ERICH6: variants seen among roughly 807,000 people sequenced by gnomAD.
The protein encoded by ERICH6 is glutamate-rich protein 6.
In ERICH6, 71 loss-of-function variants were observed where a neutral mutation model predicts 71.0. The observed-to-expected ratio is 1.00, with a 90% confidence interval of 0.83 to 1.22. ERICH6 has a LOEUF of 1.22. ERICH6 is among the 50% of genes most tolerant of loss of function. ERICH6 has a pLI of 0.00. For synonymous variants in ERICH6, 262 were observed against 278.4 expected (o/e 0.94, Z 0.59); for missense variants, 808 against 797.2 (o/e 1.01, Z -0.16).
In ERICH6 at chr3:150,685,828, G is replaced by T. The variant is rs751763525; in HGVS notation, c.697C>A (p.Pro233Thr). 1 of 1,614,114 alleles carries T rather than the reference G, an allele frequency of 6.2e-7. No homozygotes were observed. The highest frequency in any genetic ancestry group is 8.5e-7 in the Non-Finnish European group (1 of 1,180,018). Residue 233 changes from proline (P) to threonine (T), a missense_variant, in exon 6 of 14, where the codon CCT (proline) becomes ACT (threonine). Coordinates refer to ENST00000295910, the MANE Select transcript of ERICH6 (RefSeq NM_152394.5). The part of the protein sequence containing the change: ...FKEDFITLFE[P>T]SLRTLPSIGP... ...ATGCTGGGTAACGTTCTTAGAGAAG[G>T]CTCGAACAGTGTTATGAAGTCTTCC... is the stretch of plus-strand genomic sequence containing the variant.
rs1711552641 is a variant in ERICH6, at chr3:150,673,808, T to C, written c.1343+148A>G. ...GTTGCCCAGGCTGGTCTCAACCTTC[T>C]GAGCTCAAGTGATCTGCCCACCTCA... On this transcript the variant is annotated intron_variant, in intron 11 of 13. Transcript: ENST00000295910. 13 of 634,754 alleles carry C rather than the reference T, an allele frequency of 2.0e-5. No homozygotes were observed. In the Admixed American group the frequency reaches 3.2e-4, roughly 16 times the overall value. The allele number at this position is 634,754 out of a possible 1,614,324, so 39.3% of individuals were successfully genotyped here. A position where few individuals can be genotyped will look rare whatever the true frequency, so the allele number is the denominator to read the frequency against.
At chr3:150,699,399 C>A (rs1335054011) in intron 2 of ERICH6, among the ~76,000 whole-genome samples, 1 of 152,216 alleles carries the variant, frequency 6.6e-6, no homozygotes, top group Non-Finnish European at 1.5e-5. Flanking sequence ...CCCAGCTTCA[C>A]TCCTCCCTGC....
At position 150,685,866 on chromosome 3, in the gene ERICH6, T is replaced by G. The variant is rs375787572; in HGVS notation, c.667-8A>C. On this transcript the variant is annotated splice_region_variant and splice_polypyrimidine_tract_variant and intron_variant, in intron 5 of 13. Coordinates refer to ENST00000295910, the MANE Select transcript of ERICH6 (RefSeq NM_152394.5). ...TATGAAGTCTTCCTTAAACTAAATT[T>G]AAAAAGAGAAAGGGGTGGTGAGGGG... 9 of 1,612,552 alleles carry G rather than the reference T, an allele frequency of 5.6e-6. No homozygotes were observed. Among genetic ancestry groups the G allele is most frequent in the Non-Finnish European group, 7.6e-6 (9 of 1,179,384 alleles).
At position 150,669,360 on chromosome 3, in the gene ERICH6, C is replaced by A. The variant is rs1283737155; in HGVS notation, c.1435G>T (p.Ala479Ser). ...IVQEDMPTNP[A>S]ILAVLDSSGR... ...GAGGAATCCAGCACTGCTAGGATAG[C>A]AGGGTTAGTGGGCATATCTTCTTGG... is the stretch of plus-strand genomic sequence containing the variant. The change falls in exon 12 of 14, where the codon GCT (alanine) becomes TCT (serine). Residue 479 changes from alanine to serine, a missense_variant. Around this residue, in one of 3 missense-constraint regions of ERICH6, gnomAD observed 736 missense variants for 712.2 expected, o/e 1.03. Coordinates refer to ENST00000295910, the MANE Select transcript of ERICH6 (RefSeq NM_152394.5). The A allele has an allele frequency of 1.2e-6, 2 of 1,613,650 alleles. No individual in the cohort carries two copies. The highest frequency in any genetic ancestry group is 2.2e-5 in the East Asian group (1 of 44,870).
chr3:150,679,925 T>C (rs546425467), intron 9 of ERICH6, among the ~76,000 whole-genome samples: 109 of 152,376 alleles, frequency 7.2e-4, no homozygotes, highest in Non-Finnish European at 1.3e-3. Flanking sequence ...CCCAAAGTGC[T>C]GGGATCACAG....
intron 10 of ERICH6, among the ~76,000 whole-genome samples, chr3:150,674,803 AC>A (rs971166308): frequency 6.7e-6 from 1 of 149,454 alleles, no homozygotes; most frequent in Non-Finnish European, 1.5e-5. Flanking sequence ...CTGCCCCCCA[AC>A]CTTTTTTTTT....
chr3:150,697,620 T>C (rs771070763), intron 3 of ERICH6, among the ~76,000 whole-genome samples: 17 of 152,188 alleles, frequency 1.1e-4, no homozygotes, highest in Admixed American at 3.3e-4. Flanking sequence ...TGAAACTTTA[T>C]TGGTATCTAG....
chr3:150,689,471 A>C (rs1394043196), intron 3 of ERICH6, among the ~76,000 whole-genome samples: 1 of 152,176 alleles, frequency 6.6e-6, no homozygotes, highest in African/African-American at 2.4e-5. Context: ...TACTTCTGAA[A>C]TAGCAGCAAT....
chr3:150,664,630 G>C (rs1197703154), intron 13 of ERICH6, among the ~76,000 whole-genome samples: 1 of 149,616 alleles, frequency 6.7e-6, no homozygotes, highest in Non-Finnish European at 1.5e-5. Flanking sequence ...CTGGGCAACA[G>C]AGCGAGACTC....
intron 13 of ERICH6, among the ~76,000 whole-genome samples, chr3:150,660,911 C>T (rs1003878243): frequency 6.6e-6 from 1 of 152,206 alleles, no homozygotes; most frequent in Non-Finnish European, 1.5e-5. Context: ...TATTTCACTC[C>T]TCCTTCCATA....
At chr3:150,675,301 A>G (rs1711609361) in intron 10 of ERICH6, among the ~76,000 whole-genome samples, 1 of 152,178 alleles carries the variant, frequency 6.6e-6, no homozygotes, top group Admixed American at 6.5e-5. Flanking sequence ...TCAATTAAAA[A>G]GTGATCATCT....
intron 3 of ERICH6, among the ~76,000 whole-genome samples, chr3:150,696,830 T>C (rs1559921130): frequency 6.6e-6 from 1 of 152,200 alleles, no homozygotes; most frequent in East Asian, 1.9e-4. Flanking sequence ...ACCCTTTTGA[T>C]GGACGCATAC....
At chr3:150,692,483 C>A (rs902722379) in intron 3 of ERICH6, among the ~76,000 whole-genome samples, 5 of 151,954 alleles carry the variant, frequency 3.3e-5, no homozygotes, top group African/African-American at 1.2e-4. Flanking sequence ...CTAATTAATC[C>A]TTTAAGATAT....
chr3:150,690,526 A>G (rs773950951), intron 3 of ERICH6, among the ~76,000 whole-genome samples: 14 of 152,208 alleles, frequency 9.2e-5, no homozygotes, highest in Non-Finnish European at 1.9e-4. Context: ...AAAGAACTCT[A>G]ATTAATTGGC....
At chr3:150,680,127 C>T (rs1711840037) in intron 9 of ERICH6, among the ~76,000 whole-genome samples, 1 of 152,204 alleles carries the variant, frequency 6.6e-6, no homozygotes, top group Non-Finnish European at 1.5e-5. Flanking sequence ...GAGATGAAGA[C>T]TGAAAACTCC....
At chr3:150,689,025 G>T (rs1459853633) in intron 3 of ERICH6, among the ~76,000 whole-genome samples, 1 of 152,026 alleles carries the variant, frequency 6.6e-6, no homozygotes, top group African/African-American at 2.4e-5. Context: ...CTGAGTGGAG[G>T]TACCCCTGAT....
At chr3:150,660,295 G>A in intron 13 of ERICH6, 140 bp from the exon 14 acceptor site, 1 of 932,592 alleles carries the variant, frequency 1.1e-6, no homozygotes, top group Non-Finnish European at 1.6e-6. Context: ...AGCAGGGGCG[G>A]TGGTGTTATT....
At position 150,678,411 on chromosome 3, in the gene ERICH6, T is replaced by C; in HGVS notation, c.1255A>G (p.Lys419Glu). The change falls in exon 10 of 14, where the codon AAG becomes GAG. Residue 419 changes from lysine (K) to glutamate (E), a missense_variant and splice_region_variant. Lys to Glu is a moderately conservative substitution (Grantham distance 56, BLOSUM62 1). Transcript: ENST00000295910. ...TAAAAAAATTACAAGTTCATTACCTTTCCACATGCTATCCGAGAATCACAA... is the reference window on the plus strand; with the variant it reads ...TAAAAAAATTACAAGTTCATTACCTCTCCACATGCTATCCGAGAATCACAA... The part of the protein sequence containing the change: ...ICCDSRIACG[K>E]VVRNELLEKH... The C allele has an allele frequency of 6.4e-7, 1 of 1,565,172 alleles. No homozygotes were observed. The highest frequency in any genetic ancestry group is 8.6e-7 in the Non-Finnish European group (1 of 1,164,116).
chr3:150,701,131 T>C lies in ERICH6; in HGVS notation c.461+990A>G, dbSNP rs190857979. On this transcript the variant is annotated intron_variant, in intron 2 of 13. Coordinates refer to ENST00000295910, the MANE Select transcript of ERICH6 (RefSeq NM_152394.5). ...CATTTTAATATAATTTATCATTTCATATAGTTTGTTGTTAATTGGGAAAAA... is the reference window on the plus strand; with the variant it reads ...CATTTTAATATAATTTATCATTTCACATAGTTTGTTGTTAATTGGGAAAAA... Among the ~76,000 whole-genome samples, 88 of 152,318 alleles carry C rather than the reference T, an allele frequency of 5.8e-4. 2 individuals are homozygous for C. The highest frequency in any genetic ancestry group is 1.6e-4 in the Non-Finnish European group (11 of 68,022).
Sources: allele counts gnomAD v4.1 joint callset (sites outside exome capture counted in the v4.1 genomes callset), GRCh38; gene constraint gnomAD v4.1.1; regional missense constraint gnomAD v4.1.1; transcripts MANE v1.5; gene names NCBI Gene and HGNC (gene_info 2026-07-23, HGNC 2026-07-21).